FGF6: variants seen among roughly 807,000 people sequenced by gnomAD.
The protein encoded by FGF6 is fibroblast growth factor 6.
In FGF6, 14 loss-of-function variants were observed where a neutral mutation model predicts 18.4. The observed-to-expected ratio is 0.76, with a 90% CI of 0.50 to 1.19. FGF6 has a LOEUF of 1.19. Ranked by LOEUF, FGF6 falls within the 50% of genes most tolerant of loss-of-function variation. FGF6 has a pLI of 0.00. For missense variants in FGF6, 266 were observed against 271.6 expected, an observed-to-expected ratio of 0.98 and a Z score of 0.15; for synonymous variants, 125 against 116.7, an observed-to-expected ratio of 1.07 and a Z score of -0.46.
At chr12:4,442,559 C>T (rs1036435625) in intron 2 of FGF6, among the ~76,000 whole-genome samples, 1 of 151,784 alleles carries the variant, frequency 6.6e-6, no homozygotes, top group Non-Finnish European at 1.5e-5. Context: ...CTTGCTAAAA[C>T]GTCCCTTGCT....
At chr12:4,444,627 C>G (rs1476737998) in intron 1 of FGF6, among the ~76,000 whole-genome samples, 10 of 152,090 alleles carry the variant, frequency 6.6e-5, no homozygotes, top group African/African-American at 1.9e-4. Context: ...AAATCTCAAC[C>G]CACTTAATCT....
chr12:4,434,433 TGAG>T (rs773015155), intron 2 of FGF6, 42 bp from the exon 3 acceptor site: 16 of 1,604,562 alleles, frequency 1.0e-5, no homozygotes, highest in African/African-American at 5.3e-5. Flanking sequence ...GGGTTACAAA[TGAG>T]GAGTGCTGCA....
At chr12:4,444,593 A>G (rs1865734615) in intron 1 of FGF6, among the ~76,000 whole-genome samples, 1 of 152,164 alleles carries the variant, frequency 6.6e-6, no homozygotes, top group South Asian at 2.1e-4. Context: ...TCTTCTTCTT[A>G]ATGTGTACTC....
rs144536126 is a variant in FGF6, at chr12:4,434,219, A to G, written c.623T>C (p.Ile208Thr). 70 of 1,613,732 alleles carry G rather than the reference A, an allele frequency of 4.3e-5. No individual in the cohort carries two copies. Among genetic ancestry groups the G allele is most frequent in the Non-Finnish European group, 5.0e-5 (59 of 1,179,990 alleles). The change falls in exon 3 of 3, where the codon ATC becomes ACC. Residue 208 changes from isoleucine (I) to threonine (T), a missense_variant. Physicochemically the swap from Ile to Thr is moderately conservative, Grantham distance 89. Transcript: ENST00000228837. The stretch of plus-strand genomic sequence containing the variant: ...TGAGCCTTCTTTTGTGGGTCCTTAG[A>G]TCCTGGGAAGGAAATGAGTGACAGT... ...IMTVTHFLPR[I>T]
rs1728648703 is a variant in FGF6 at position 4,434,182 on chromosome 12, G to A, written c.*33C>T. 6.2e-7 allele frequency: 1 copy of A among 1,606,012 alleles called. No homozygotes were observed. The highest frequency in any genetic ancestry group is 8.5e-7 in the Non-Finnish European group (1 of 1,173,888). Reference sequence around the variant, plus strand: ...GCAAAATTTCAATCGAACAGATGATGCTTTAAATCTGTGAGCCTTCTTTTG... The same window carrying A: ...GCAAAATTTCAATCGAACAGATGATACTTTAAATCTGTGAGCCTTCTTTTG... On this transcript the variant is annotated 3_prime_UTR_variant, in exon 3 of 3. Transcript: ENST00000228837.
chr12:4,443,763 C>T (rs1295674538), intron 2 of FGF6, among the ~76,000 whole-genome samples: 2 of 152,202 alleles, frequency 1.3e-5, no homozygotes, highest in African/African-American at 2.4e-5. Flanking sequence ...AGCAGCGCAC[C>T]CAGGCAGAGA....
intron 1 of FGF6, 106 bp from the exon 2 acceptor site, chr12:4,444,342 G>A: frequency 1.4e-6 from 1 of 732,822 alleles, no homozygotes. Flanking sequence ...TAGAAAGCCA[G>A]ACTCTCCATT....
At chr12:4,434,587 A>G (rs925437176) in intron 2 of FGF6, among the ~76,000 whole-genome samples, 196 bp from the exon 3 acceptor site, 3 of 152,068 alleles carry the variant, frequency 2.0e-5, no homozygotes, top group African/African-American at 7.2e-5. Context: ...GCAGGCTCTC[A>G]TGGTTTCCTC....
chr12:4,438,575 A>G (rs960238453), intron 2 of FGF6, among the ~76,000 whole-genome samples: 2 of 152,042 alleles, frequency 1.3e-5, no homozygotes, highest in African/African-American at 4.8e-5. Context: ...ATCCTGGTCA[A>G]CATGGTGAAA....
chr12:4,445,420 A>G lies in FGF6; in HGVS notation c.151T>C (p.Ser51Pro), dbSNP rs2137032801. The G allele has an allele frequency of 6.2e-7, 1 of 1,613,482 alleles. No homozygotes were observed. Among genetic ancestry groups the G allele is most frequent in the East Asian group, 2.2e-5 (1 of 44,878 alleles). The change falls in exon 1 of 3, where the codon TCG becomes CCG. Residue 51 changes from serine (S) to proline (P), a missense_variant. By Grantham distance (74) the Ser-to-Pro change is moderately conservative. Transcript: ENST00000228837. The surrounding 1 kb of genome is among the most constrained non-coding windows in gnomAD (Gnocchi z 5.5). ...GACAGCAGGGTGCCCCAGCCCCTCG[A>G]GTCCAGCAGCGTGTTGTTGGCACGG... ...GTRANNTLLD[S>P]RGWGTLLSRS... is the part of the protein sequence containing the mutation.
chr12:4,435,872 C>T (rs888062307), intron 2 of FGF6, among the ~76,000 whole-genome samples: 15 of 152,028 alleles, frequency 9.9e-5, no homozygotes, highest in African/African-American at 3.1e-4. Context: ...AGGGAGTATG[C>T]GGGGATTTCC....
intron 2 of FGF6, among the ~76,000 whole-genome samples, chr12:4,443,551 G>T (rs747961966): frequency 1.3e-5 from 2 of 152,204 alleles, no homozygotes; most frequent in African/African-American, 4.8e-5. Flanking sequence ...ACCTATGGGG[G>T]TGGGGATGGG....
intron 2 of FGF6, among the ~76,000 whole-genome samples, chr12:4,439,708 T>TC (rs1565470737): frequency 6.6e-6 from 1 of 152,206 alleles, no homozygotes; most frequent in Admixed American, 6.5e-5. Context: ...TACTTTTTTT[T>TC]CTTTCCATTC....
rs562208785 is a variant in FGF6, at chr12:4,445,387, G to C, written c.184C>G (p.Arg62Gly). 7.4e-6 allele frequency: 12 copies of C among 1,613,712 alleles called. No individual in the cohort carries two copies. In the Admixed American group the frequency reaches 1.8e-4, roughly 25 times the overall value. The change falls in exon 1 of 3, where the codon CGC becomes GGC. Residue 62 changes from arginine to glycine, a missense_variant. Arg to Gly is a moderately radical substitution (Grantham distance 125, BLOSUM62 -2). Coordinates refer to ENST00000228837, the MANE Select transcript of FGF6 (RefSeq NM_020996.3). The surrounding 1 kb of genome is among the most constrained non-coding windows in gnomAD (Gnocchi z 5.5). Reference sequence around the variant, plus strand: ...GCAATCTCTCCAGCTAGCCCGGCGCGAGACCTGGACAGCAGGGTGCCCCAG... The same window carrying C: ...GCAATCTCTCCAGCTAGCCCGGCGCCAGACCTGGACAGCAGGGTGCCCCAG... ...RGWGTLLSRSRAGLAGEIAGV... is the reference protein window; with the variant it reads ...RGWGTLLSRSGAGLAGEIAGV...
chr12:4,440,078 G>A (rs995682594), intron 2 of FGF6, among the ~76,000 whole-genome samples: 17 of 152,174 alleles, frequency 1.1e-4, no homozygotes, highest in Admixed American at 6.5e-4. Flanking sequence ...ACGCACTCGA[G>A]CCAAGTGAAC....
At position 4,444,254 on chromosome 12, in the gene FGF6, G is replaced by C; in HGVS notation, c.347-18C>G. The C allele has an allele frequency of 1.3e-6, 2 of 1,541,152 alleles. No homozygotes were observed. Among genetic ancestry groups the C allele is most frequent in the Non-Finnish European group, 1.8e-6 (2 of 1,114,572 alleles). On this transcript the variant is annotated intron_variant, in intron 1 of 2. Coordinates refer to ENST00000228837, the MANE Select transcript of FGF6 (RefSeq NM_020996.3). Reference sequence around the variant, plus strand: ...CAGCAGGCCTGACAAGGAAAGGGGGGCCACATTACCTAAGGCTTGTGCAAA... The same window carrying C: ...CAGCAGGCCTGACAAGGAAAGGGGGCCCACATTACCTAAGGCTTGTGCAAA...
rs1419931817 is a variant in FGF6 at position 4,440,354 on chromosome 12, C to T, written c.450+3779G>A. Among the ~76,000 whole-genome samples the T allele has an allele frequency of 3.3e-5, 5 of 152,304 alleles. No individual in the cohort carries two copies. In the East Asian group the frequency reaches 9.7e-4, roughly 29 times the overall value. On this transcript the variant is annotated intron_variant, in intron 2 of 2. Coordinates refer to ENST00000228837, the MANE Select transcript of FGF6 (RefSeq NM_020996.3). ...CACCCTCTCGCCTTTAGAGCTAAGTCACTTGGACCAACGAGGATCTAATCC... is the reference window on the plus strand; with the variant it reads ...CACCCTCTCGCCTTTAGAGCTAAGTTACTTGGACCAACGAGGATCTAATCC...
At chr12:4,439,853 C>T (rs2270438) in intron 2 of FGF6, among the ~76,000 whole-genome samples, 84,356 of 152,104 alleles carry the variant, frequency 0.55, 25,237 homozygotes, top group Admixed American at 0.66. Context: ...CTCTCTCCTC[C>T]GCCCTCAGCA....
In FGF6 at chr12:4,444,138, C is replaced by G; in HGVS notation, c.445G>C (p.Ala149Pro). The G allele has an allele frequency of 6.2e-7, 1 of 1,608,168 alleles. No homozygotes were observed. The highest frequency in any genetic ancestry group is 8.5e-7 in the Non-Finnish European group (1 of 1,174,838). ...VAMNSKGRLY[A>P]TPSFQEECKF... ...CCCCGGCCTGGTGAACTCACCGTTG[C>G]GTACAATCTTCCTTTACTGTTCATG... is the stretch of plus-strand genomic sequence containing the variant. Residue 149 changes from alanine (A) to proline (P), a missense_variant, in exon 2 of 3, where the codon GCA (alanine) becomes CCA (proline). Ala to Pro is a conservative substitution (Grantham distance 27). Transcript: ENST00000228837.
Sources: allele counts gnomAD v4.1 joint callset (sites outside exome capture counted in the v4.1 genomes callset), GRCh38; gene constraint gnomAD v4.1.1; non-coding constraint Gnocchi (gnomAD v3.1); transcripts MANE v1.5; gene names NCBI Gene and HGNC (gene_info 2026-07-23, HGNC 2026-07-21).